CCDC178: variants seen among roughly 807,000 people sequenced by gnomAD.
The protein encoded by CCDC178 is coiled-coil domain containing 178.
CCDC178 carries 126 observed loss-of-function variants against 117.4 expected under a neutral mutation model. The observed-to-expected ratio is 1.07, with a 90% confidence interval of 0.93 to 1.24. The LOEUF (loss-of-function observed/expected upper bound fraction) is 1.24, where lower values mean the gene tolerates loss of function less well. CCDC178 is among the 50% of genes most tolerant of loss of function. CCDC178 has a pLI of 0.00. For synonymous variants in CCDC178, 283 were observed against 313.4 expected, an observed-to-expected ratio of 0.90 and a Z score of 1.02; for missense variants, 1,030 against 986.9, an observed-to-expected ratio of 1.04 and a Z score of -0.59.
At chr18:33,173,526 C>T (rs978806992) in intron 20 of CCDC178, among the ~76,000 whole-genome samples, 7 of 152,286 alleles carry the variant, frequency 4.6e-5, no homozygotes, top group African/African-American at 1.7e-4. Flanking sequence ...CAGATGTCCT[C>T]TCTTAGGGCT....
chr18:33,065,967 T>C (rs1025103180), intron 21 of CCDC178, among the ~76,000 whole-genome samples: 1 of 151,256 alleles, frequency 6.6e-6, no homozygotes, highest in African/African-American at 2.4e-5. Flanking sequence ...GTTCACGCCA[T>C]TCTTCTGCCT....
chr18:33,371,651 G>A (rs955561822), intron 5 of CCDC178, among the ~76,000 whole-genome samples: 2 of 151,842 alleles, frequency 1.3e-5, no homozygotes, highest in Non-Finnish European at 2.9e-5. Flanking sequence ...CATTTTGAAT[G>A]CTCCTTCATA....
chr18:33,102,253 C>T (rs946508846), intron 20 of CCDC178, among the ~76,000 whole-genome samples: 6 of 151,748 alleles, frequency 4.0e-5, no homozygotes, highest in African/African-American at 1.5e-4. Context: ...AGGGTCCCCC[C>T]TAATTTCAGT....
At position 33,410,595 on chromosome 18, in the gene CCDC178, C is replaced by T. The variant is rs181001377; in HGVS notation, c.58+1436G>A. ...AAATCCATTCTGTCATGACCTTATT[C>T]ACGTTTGGAATTACTAAATGACTGC... is the stretch of plus-strand genomic sequence containing the variant. On this transcript the variant is annotated intron_variant, in intron 3 of 22. Transcript: ENST00000383096. Among the ~76,000 whole-genome samples, 398 of 152,198 alleles carry T rather than the reference C, an allele frequency of 2.6e-3. 1 individual carries two copies. The highest frequency in any genetic ancestry group is 9.1e-3 in the African/African-American group (379 of 41,522).
intron 20 of CCDC178, among the ~76,000 whole-genome samples, chr18:33,208,640 T>C (rs183884827): frequency 1.3e-5 from 2 of 152,186 alleles, no homozygotes; most frequent in South Asian, 2.1e-4. Context: ...GAGAATAATA[T>C]ACAAATTGTG....
At chr18:33,432,584 A>C (rs987251755) in intron 2 of CCDC178, among the ~76,000 whole-genome samples, 1 of 151,344 alleles carries the variant, frequency 6.6e-6, no homozygotes, top group African/African-American at 2.4e-5. Flanking sequence ...AATTTTATAC[A>C]CTCCAGGTCC....
intron 22 of CCDC178, among the ~76,000 whole-genome samples, chr18:32,948,441 T>C (rs7245122): frequency 6.6e-6 from 1 of 152,016 alleles, no homozygotes; most frequent in African/African-American, 2.4e-5. Flanking sequence ...GATGCTATTG[T>C]ATAGGCATTG....
At position 33,274,316 on chromosome 18, in the gene CCDC178, A is replaced by C. The variant is rs2059921937; in HGVS notation, c.1177-7019T>G. Among the ~76,000 whole-genome samples, 3 of 152,006 alleles carry C rather than the reference A, an allele frequency of 2.0e-5. No homozygotes were observed. In the South Asian group the frequency reaches 6.2e-4, roughly 31 times the overall value. On this transcript the variant is annotated intron_variant, in intron 12 of 22. Coordinates refer to ENST00000383096, the MANE Select transcript of CCDC178 (RefSeq NM_001105528.4). Reference sequence around the variant, plus strand: ...TTATAAATCACTATGGTAATGTAAAATATTGTAGTCACTTTGGAAAATAGT... The same window carrying C: ...TTATAAATCACTATGGTAATGTAAACTATTGTAGTCACTTTGGAAAATAGT...
intron 20 of CCDC178, among the ~76,000 whole-genome samples, chr18:33,140,963 G>C (rs1326117131): frequency 6.6e-6 from 1 of 152,150 alleles, no homozygotes; most frequent in East Asian, 1.9e-4. Flanking sequence ...CTGTTCTTGT[G>C]ATAGTCAATG....
chr18:33,254,279 C>T (rs959426303), intron 14 of CCDC178, among the ~76,000 whole-genome samples: 1 of 151,388 alleles, frequency 6.6e-6, no homozygotes, highest in Admixed American at 6.6e-5. Flanking sequence ...CACACACACA[C>T]ACACACACAC....
intron 20 of CCDC178, among the ~76,000 whole-genome samples, chr18:33,154,580 TA>T (rs1598939184): frequency 6.6e-6 from 1 of 152,114 alleles, no homozygotes; most frequent in African/African-American, 2.4e-5. Flanking sequence ...AACATATAAA[TA>T]ATGCAAATGA....
At chr18:32,996,852 G>C (rs1355101554) in intron 21 of CCDC178, among the ~76,000 whole-genome samples, 1 of 151,908 alleles carries the variant, frequency 6.6e-6, no homozygotes, top group African/African-American at 2.4e-5. Flanking sequence ...GTATTATAAA[G>C]AGATCATATA....
At position 33,208,005 on chromosome 18, in the gene CCDC178, A is replaced by G. The variant is rs1011737887; in HGVS notation, c.2238+3891T>C. Among the ~76,000 whole-genome samples the G allele has an allele frequency of 2.0e-5, 3 of 152,180 alleles. No homozygotes were observed. In the East Asian group the frequency reaches 5.8e-4, roughly 29 times the overall value. ...CCGGATCTGCGCAAAAACATGAGGTAATCTCTGATACAAAATTAGCACTCT... is the reference window on the plus strand; with the variant it reads ...CCGGATCTGCGCAAAAACATGAGGTGATCTCTGATACAAAATTAGCACTCT... On this transcript the variant is annotated intron_variant, in intron 20 of 22. Coordinates refer to ENST00000383096, the MANE Select transcript of CCDC178 (RefSeq NM_001105528.4).
intron 2 of CCDC178, among the ~76,000 whole-genome samples, chr18:33,414,811 G>A (rs1194227862): frequency 6.6e-6 from 1 of 152,052 alleles, no homozygotes; most frequent in Non-Finnish European, 1.5e-5. Context: ...TCTGACAAAG[G>A]GCTAATATCC....
At chr18:33,234,042 T>C (rs1327033395) in intron 15 of CCDC178, among the ~76,000 whole-genome samples, 2 of 152,150 alleles carry the variant, frequency 1.3e-5, no homozygotes, top group African/African-American at 4.8e-5. Flanking sequence ...CCATATGATA[T>C]TTATAGCAAG....
intron 21 of CCDC178, among the ~76,000 whole-genome samples, chr18:33,051,894 T>A (rs889546230): frequency 6.6e-6 from 1 of 152,222 alleles, no homozygotes; most frequent in Non-Finnish European, 1.5e-5. Flanking sequence ...ATGGGTTTTT[T>A]AGCAATTTGG....
rs1178329366 is a variant in CCDC178, at chr18:33,389,524, TA to T, written c.208+15del. 1 of 1,312,402 alleles carries T rather than the reference TA, an allele frequency of 7.6e-7. No homozygotes were observed. The highest frequency in any genetic ancestry group is 1.0e-6 in the Non-Finnish European group (1 of 966,802). 81.3% of individuals were successfully genotyped at this position (1,312,402 alleles called of 1,614,324 possible). ...AGTTTATATAGTTTACTATATGATT[TA>T]CATTCAGTCCTCACCTTCAGTATTT... is the stretch of plus-strand genomic sequence containing the variant. On this transcript the variant is annotated intron_variant, in intron 5 of 22. Transcript: ENST00000383096.
At chr18:33,240,438 G>A (rs955720555) in intron 15 of CCDC178, among the ~76,000 whole-genome samples, 4 of 151,538 alleles carry the variant, frequency 2.6e-5, no homozygotes, top group Admixed American at 1.3e-4. Context: ...ACAAAAAGTC[G>A]ATGTTTTGAG....
chr18:33,269,671 C>T (rs888960073), intron 12 of CCDC178, among the ~76,000 whole-genome samples: 3 of 151,788 alleles, frequency 2.0e-5, no homozygotes, highest in Admixed American at 1.3e-4. Context: ...ATGAGAAAGA[C>T]AACAGACTTT....
Sources: allele counts gnomAD v4.1 joint callset (sites outside exome capture counted in the v4.1 genomes callset), GRCh38; gene constraint gnomAD v4.1.1; transcripts MANE v1.5; gene names NCBI Gene and HGNC (gene_info 2026-07-23, HGNC 2026-07-21).